The following ERC1 variants were observed in gnomAD, a reference collection of about 807,000 sequenced individuals.
ERC1 encodes ELKS/RAB6-interacting/CAST family member 1, also known as RAB6 interacting protein 2.
A neutral mutation model predicts 132.0 loss-of-function variants in ERC1; 56 were observed. The observed-to-expected ratio is 0.42, with a 90% CI of 0.34 to 0.53. The LOEUF is 0.53. Ranked by LOEUF, ERC1 falls within the 20% of genes least tolerant of loss-of-function variation. The pLI is 0.03. For synonymous variants in ERC1, 478 were observed against 476.1 expected (o/e 1.00, Z -0.05); for missense variants, 1,202 against 1,349.9 (o/e 0.89, Z 1.72).
chr12:1,199,086 A>C (rs1566222693), intron 12 of ERC1, among the ~76,000 whole-genome samples: 1 of 150,532 alleles, frequency 6.6e-6, no homozygotes. Context: ...ACTTCCCACC[A>C]GGCCCCACCT....
Position 1,182,012 on chromosome 12 carries a change from A to C in ERC1, c.1963A>C (p.Lys655Gln), listed in dbSNP as rs2154271138. The C allele has an allele frequency of 6.2e-7, 1 of 1,614,120 alleles. No homozygotes were observed. The highest frequency in any genetic ancestry group is 2.2e-5 in the East Asian group (1 of 44,882). The change falls in exon 10 of 19, where the codon AAA (lysine) becomes CAA (glutamine). Residue 655 changes from lysine to glutamine, a missense_variant. By Grantham distance (53) the Lys-to-Gln change is moderately conservative. Transcript: ENST00000360905. ...AATTGATAACTACAAAAAAGATCTT[A>C]AAGACTTGAAGGAAAAAGTCAGCCT... ...EEIDNYKKDL[K>Q]DLKEKVSLLQ...
chr12:1,448,421 G>A (rs141236336), intron 18 of ERC1, among the ~76,000 whole-genome samples: 1 of 152,316 alleles, frequency 6.6e-6, no homozygotes, highest in Non-Finnish European at 1.5e-5. Flanking sequence ...CTTACCCCAA[G>A]TAAGAATTTA....
chr12:1,159,396 T>C (rs1951687610), intron 8 of ERC1, among the ~76,000 whole-genome samples: 1 of 152,174 alleles, frequency 6.6e-6, no homozygotes, highest in Non-Finnish European at 1.5e-5. Flanking sequence ...CTGCCACTGA[T>C]CTGACAGGAG....
intron 18 of ERC1, among the ~76,000 whole-genome samples, chr12:1,457,202 C>T (rs1372793344): frequency 6.6e-6 from 1 of 152,202 alleles, no homozygotes; most frequent in African/African-American, 2.4e-5. Context: ...CCACCTAGGT[C>T]TGTGTAAGTC....
rs1346344272 is a variant in ERC1, at chr12:1,495,326, T to TG, written c.*5096_*5097insG. 8.8e-6 allele frequency: 2 copies of TG among 227,716 alleles called. No homozygotes were observed. Among genetic ancestry groups the TG allele is most frequent in the African/African-American group, 4.4e-5 (2 of 44,964 alleles). 14.1% of individuals were successfully genotyped at this position (227,716 alleles called of 1,614,324 possible). A position where few individuals can be genotyped will look rare whatever the true frequency, so the allele number is the denominator to read the frequency against. ...CTTCTGGCTTCAGGCCCTCAATTATTTCCCTTTGAGCTTTTTTAGACCCTA... is the reference window on the plus strand; with the variant it reads ...CTTCTGGCTTCAGGCCCTCAATTATTGTCCCTTTGAGCTTTTTTAGACCCTA... On this transcript the variant is annotated 3_prime_UTR_variant, in exon 19 of 19. Transcript: ENST00000360905.
At chr12:1,399,129 T>A (rs1172645556) in intron 16 of ERC1, among the ~76,000 whole-genome samples, 1 of 151,566 alleles carries the variant, frequency 6.6e-6, no homozygotes, top group Non-Finnish European at 1.5e-5. Context: ...TTTTTTATTT[T>A]TTTGTAGATA....
Position 1,341,069 on chromosome 12 carries a change from C to CTTTTTTTTTTTT in ERC1, c.2781-30733_2781-30722dup, listed in dbSNP as rs35902573. 1.9e-3 allele frequency among the ~76,000 whole-genome samples: 119 copies of CTTTTTTTTTTTT among 63,134 alleles called. 26 individuals carry two copies. Among genetic ancestry groups the CTTTTTTTTTTTT allele is most frequent in the East Asian group, 5.1e-3 (7 of 1,372 alleles). The allele number at this position is 63,134 out of a possible 152,430, so 41.4% of individuals were successfully genotyped here. The stretch of plus-strand genomic sequence containing the variant: ...AATGTCCACTTATTCTTTTCTTTTT[C>CTTTTTTTTTTTT]TTTTTTTTTTTTTTTTTTTTTTTTT... On this transcript the variant is annotated intron_variant, in intron 15 of 18. Transcript: ENST00000360905.
At chr12:1,076,539 C>T (rs576578815) in intron 2 of ERC1, among the ~76,000 whole-genome samples, 273 of 151,990 alleles carry the variant, frequency 1.8e-3, no homozygotes, top group Middle Eastern at 6.8e-3. Flanking sequence ...GGTTTACAGG[C>T]GCGCACCACC....
chr12:1,027,619 C>T (rs1967117963), intron 1 of ERC1, 129 bp from the exon 2 acceptor site: 1 of 389,338 alleles, frequency 2.6e-6, no homozygotes, highest in Non-Finnish European at 4.6e-6. Flanking sequence ...ATGCTGTAAT[C>T]ACATTCTGAA....
chr12:1,168,188 G>A lies in ERC1; in HGVS notation c.1738-12352G>A, dbSNP rs1406060476. On this transcript the variant is annotated intron_variant, in intron 8 of 18. Transcript: ENST00000360905. ...CAGGCTGCCGTGTAGTGGTGCGATCGTGGCTCACTGCAGCCTCAACTTCCT... is the reference window on the plus strand; with the variant it reads ...CAGGCTGCCGTGTAGTGGTGCGATCATGGCTCACTGCAGCCTCAACTTCCT... Among the ~76,000 whole-genome samples, 4 of 151,992 alleles carry A rather than the reference G, an allele frequency of 2.6e-5. No individual in the cohort carries two copies. The East Asian group carries it at 5.8e-4, about 22-fold the overall frequency.
At chr12:1,064,365 C>T (rs745787071) in intron 2 of ERC1, among the ~76,000 whole-genome samples, 6 of 152,040 alleles carry the variant, frequency 3.9e-5, no homozygotes, top group South Asian at 2.1e-4. Flanking sequence ...TATTCTCTTG[C>T]TGTTTTCAGA....
intron 4 of ERC1, among the ~76,000 whole-genome samples, chr12:1,108,908 C>T (rs183276609): frequency 1.3e-5 from 2 of 152,290 alleles, no homozygotes; most frequent in East Asian, 1.9e-4. Context: ...AAGCCTTAAT[C>T]TCTCTCATCT....
intron 12 of ERC1, among the ~76,000 whole-genome samples, chr12:1,197,213 T>C (rs1169463380): frequency 6.6e-6 from 1 of 151,942 alleles, no homozygotes; most frequent in African/African-American, 2.4e-5. Context: ...ACTCCTGGCC[T>C]CAAGTGATCC....
intron 16 of ERC1, among the ~76,000 whole-genome samples, chr12:1,373,588 T>C (rs542707617): frequency 2.0e-4 from 31 of 152,342 alleles, no homozygotes; most frequent in African/African-American, 7.5e-4. Context: ...GAGACCATCC[T>C]GGCCAACATG....
chr12:1,036,370 TAA>T (rs1969076424), intron 2 of ERC1, among the ~76,000 whole-genome samples: 1 of 151,142 alleles, frequency 6.6e-6, no homozygotes, highest in Admixed American at 6.6e-5. Context: ...TGCCATTAAA[TAA>T]ACTTTTTTTT....
intron 7 of ERC1, among the ~76,000 whole-genome samples, chr12:1,118,190 A>C (rs1243744860): frequency 6.6e-6 from 1 of 152,196 alleles, no homozygotes; most frequent in African/African-American, 2.4e-5. Context: ...AGTGTTCTAG[A>C]GGTCAGCCGC....
At chr12:1,183,138 T>G (rs1444013016) in intron 10 of ERC1, 143 bp from the exon 11 acceptor site, 1 of 469,786 alleles carries the variant, frequency 2.1e-6, no homozygotes, top group Non-Finnish European at 3.8e-6. Context: ...TTGTTTTATA[T>G]TTCATGAATG....
chr12:1,061,710 T>TC (rs35224331), intron 2 of ERC1, among the ~76,000 whole-genome samples: 14,965 of 150,842 alleles, frequency 0.099, 1,398 homozygotes, highest in African/African-American at 0.25. Flanking sequence ...AATCTCTCTC[T>TC]CCCCCCCCAT....
intron 8 of ERC1, among the ~76,000 whole-genome samples, chr12:1,142,140 C>G (rs897221211): frequency 2.0e-5 from 3 of 152,086 alleles, no homozygotes; most frequent in Admixed American, 2.0e-4. Flanking sequence ...GGTACAACTT[C>G]ATTTATGTGT....
Sources: allele counts gnomAD v4.1 joint callset (sites outside exome capture counted in the v4.1 genomes callset), GRCh38; gene constraint gnomAD v4.1.1; transcripts MANE v1.5; gene names NCBI Gene and HGNC (gene_info 2026-07-23, HGNC 2026-07-21).